Variants in HS3ST2 observed in about 807,000 individuals in gnomAD.
The protein encoded by HS3ST2 is heparan sulfate glucosamine 3-O-sulfotransferase 2.
HS3ST2 carries 17 observed loss-of-function variants against 26.3 expected under a neutral mutation model. The observed-to-expected ratio is 0.65, with a 90% CI of 0.44 to 0.97. The LOEUF (loss-of-function observed/expected upper bound fraction) is 0.97, where lower values mean the gene tolerates loss of function less well. Among genes scored for constraint, HS3ST2 ranks in the 50% least tolerant of loss-of-function variants. The probability of loss-of-function intolerance (pLI) is 0.00; values close to 1 mark genes in which losing one functional copy is unlikely to be tolerated. For synonymous variants in HS3ST2, 237 were observed against 219.2 expected (o/e 1.08, Z -0.72); for missense variants, 402 against 501.2 (o/e 0.80, Z 1.89).
intron 1 of HS3ST2, among the ~76,000 whole-genome samples, chr16:22,844,353 G>A (rs1270089475): frequency 6.6e-6 from 1 of 152,118 alleles, no homozygotes; most frequent in Non-Finnish European, 1.5e-5. Context: ...TAGAGACAAA[G>A]CTCCTTACAG....
intron 1 of HS3ST2, among the ~76,000 whole-genome samples, chr16:22,896,590 C>T (rs971882850): frequency 3.3e-5 from 5 of 152,198 alleles, no homozygotes; most frequent in East Asian, 1.9e-4. Flanking sequence ...ATTTTAGAAG[C>T]GTAAGATCAG....
At chr16:22,853,564 A>T (rs535725667) in intron 1 of HS3ST2, among the ~76,000 whole-genome samples, 1 of 152,278 alleles carries the variant, frequency 6.6e-6, no homozygotes, top group African/African-American at 2.4e-5. Context: ...CATGATAATG[A>T]TAAGTGCTAA....
intron 1 of HS3ST2, among the ~76,000 whole-genome samples, chr16:22,882,118 G>C (rs1412776224): frequency 6.6e-6 from 1 of 152,214 alleles, no homozygotes; most frequent in African/African-American, 2.4e-5. Flanking sequence ...CCAGCACTTG[G>C]GGAGGCCGAG....
At chr16:22,872,533 A>T (rs1901852362) in intron 1 of HS3ST2, among the ~76,000 whole-genome samples, 1 of 152,168 alleles carries the variant, frequency 6.6e-6, no homozygotes, top group African/African-American at 2.4e-5. Context: ...CTGGACCTGT[A>T]TTCCTGCTTG....
chr16:22,904,013 A>C (rs1055065161), intron 1 of HS3ST2, among the ~76,000 whole-genome samples: 1 of 152,134 alleles, frequency 6.6e-6, no homozygotes, highest in Admixed American at 6.5e-5. Flanking sequence ...TGAAGGAATA[A>C]TCAAACAACT....
At chr16:22,848,445 AT>A (rs1258077484) in intron 1 of HS3ST2, among the ~76,000 whole-genome samples, 1 of 152,222 alleles carries the variant, frequency 6.6e-6, no homozygotes, top group Non-Finnish European at 1.5e-5. Context: ...TTGAACAGAC[AT>A]TAACTGATGT....
intron 1 of HS3ST2, among the ~76,000 whole-genome samples, chr16:22,842,768 T>C (rs1057400638): frequency 6.6e-6 from 1 of 152,204 alleles, no homozygotes; most frequent in Non-Finnish European, 1.5e-5. Flanking sequence ...TCTCCCCAGC[T>C]TTCTTTCCTT....
intron 1 of HS3ST2, among the ~76,000 whole-genome samples, chr16:22,842,827 T>A (rs992237584): frequency 2.4e-4 from 37 of 152,184 alleles, no homozygotes; most frequent in African/African-American, 8.2e-4. Context: ...GATTTTTCAT[T>A]TGTTTAGAGC....
chr16:22,878,033 T>A (rs1288409280), intron 1 of HS3ST2, among the ~76,000 whole-genome samples: 1 of 152,164 alleles, frequency 6.6e-6, no homozygotes, highest in African/African-American at 2.4e-5. Flanking sequence ...CTGTGTTAAG[T>A]GCTGGGAGAA....
At chr16:22,878,814 A>G (rs139550148) in intron 1 of HS3ST2, among the ~76,000 whole-genome samples, 265 of 151,932 alleles carry the variant, frequency 1.7e-3, no homozygotes, top group African/African-American at 6.2e-3. Flanking sequence ...TATCTGAGGG[A>G]AGCACTTCCA....
chr16:22,867,403 T>C (rs1901772040), intron 1 of HS3ST2, among the ~76,000 whole-genome samples: 1 of 152,060 alleles, frequency 6.6e-6, no homozygotes, highest in African/African-American at 2.4e-5. Context: ...GTAAAATATG[T>C]TTACATTAGA....
At chr16:22,907,856 G>A (rs1902374985) in intron 1 of HS3ST2, among the ~76,000 whole-genome samples, 1 of 152,178 alleles carries the variant, frequency 6.6e-6, no homozygotes, top group Admixed American at 6.5e-5. Context: ...ACAGAAGTGG[G>A]CCCGGCTGCA....
At chr16:22,823,574 A>G (rs1222214701) in intron 1 of HS3ST2, among the ~76,000 whole-genome samples, 2 of 151,258 alleles carry the variant, frequency 1.3e-5, no homozygotes, top group Non-Finnish European at 2.9e-5. Context: ...GCTTCAGCCC[A>G]GGAGTTGGAG....
intron 1 of HS3ST2, among the ~76,000 whole-genome samples, chr16:22,838,297 G>C (rs891964756): frequency 2.6e-5 from 4 of 152,058 alleles, no homozygotes; most frequent in Non-Finnish European, 2.9e-5. Flanking sequence ...GATTTTGAAG[G>C]CTCCCTTTTG....
At chr16:22,849,407 A>G (rs1261550815) in intron 1 of HS3ST2, among the ~76,000 whole-genome samples, 1 of 152,208 alleles carries the variant, frequency 6.6e-6, no homozygotes, top group African/African-American at 2.4e-5. Context: ...TCTTCTATAT[A>G]TGGAAATACT....
intron 1 of HS3ST2, among the ~76,000 whole-genome samples, chr16:22,909,883 A>G (rs1002704912): frequency 6.6e-6 from 1 of 152,074 alleles, no homozygotes; most frequent in African/African-American, 2.4e-5. Context: ...ACTAAATACA[A>G]AAAATTAGCT....
At chr16:22,842,703 C>G (rs1256892940) in intron 1 of HS3ST2, among the ~76,000 whole-genome samples, 1 of 152,174 alleles carries the variant, frequency 6.6e-6, no homozygotes, top group Non-Finnish European at 1.5e-5. Flanking sequence ...CCTCCCAGAG[C>G]CTCCTGTTAG....
intron 1 of HS3ST2, among the ~76,000 whole-genome samples, chr16:22,820,160 A>G (rs1900968125): frequency 6.6e-6 from 1 of 152,122 alleles, no homozygotes; most frequent in Non-Finnish European, 1.5e-5. Context: ...GAAACCATTG[A>G]GTCCATAAAC....
At chr16:22,892,925 G>A (rs1418545842) in intron 1 of HS3ST2, among the ~76,000 whole-genome samples, 1 of 152,138 alleles carries the variant, frequency 6.6e-6, no homozygotes, top group Non-Finnish European at 1.5e-5. Context: ...GATCTGGATT[G>A]GAATTACACT....
Sources: gnomAD v4.1 joint callset for allele counts (sites outside exome capture counted in the v4.1 genomes callset) on GRCh38, gnomAD v4.1.1 for gene constraint, MANE v1.5 for transcripts, NCBI Gene and HGNC (gene_info 2026-07-23, HGNC 2026-07-21) for gene names.